The following CHTF8 variants were observed in gnomAD, a reference collection of about 807,000 sequenced individuals.
CHTF8 encodes the protein chromosome transmission fidelity factor 8, also known as chromosome transmission fidelity protein 8 homolog.
Under a neutral mutation model 11.0 loss-of-function variants are expected in CHTF8, and 6 were observed. The observed-to-expected ratio is 0.55, with a 90% CI of 0.30 to 1.08. The LOEUF (loss-of-function observed/expected upper bound fraction) is 1.08. Among genes scored for constraint, CHTF8 ranks in the 50% least tolerant of loss-of-function variants. CHTF8 has a pLI of 0.07. For missense variants in CHTF8, 140 were observed against 153.1 expected (o/e 0.91, Z 0.45); for synonymous variants, 53 against 60.5 (o/e 0.88, Z 0.57).
In CHTF8 at chr16:69,129,381, C is replaced by T. The variant is rs371575724; in HGVS notation, c.-36+3103G>A. Among the ~76,000 whole-genome samples the T allele has an allele frequency of 2.1e-4, 27 of 129,520 alleles. No individual in the cohort carries two copies. The East Asian group carries it at 6.0e-3, about 29-fold the overall frequency. 85.0% of individuals were successfully genotyped at this position (129,520 alleles called of 152,430 possible). On this transcript the variant is annotated intron_variant, in intron 1 of 3. Coordinates refer to ENST00000448552, the MANE Select transcript of CHTF8 (RefSeq NM_001039690.5). ...GGAGGCAGAGGTTGCAGTGAGCCGA[C>T]ATCACGCCACTGCACTCCAGCCTAG... is the stretch of plus-strand genomic sequence containing the variant.
intron 1 of CHTF8, among the ~76,000 whole-genome samples, chr16:69,129,701 T>C (rs952747509): frequency 2.6e-5 from 4 of 152,146 alleles, no homozygotes; most frequent in Non-Finnish European, 4.4e-5. Flanking sequence ...ATCTGGCCCC[T>C]CTTGCAGTTC....
Position 69,118,112 on chromosome 16 carries a change from T to G in CHTF8, c.*2313A>C. The G allele has an allele frequency of 1.9e-6, 1 of 533,218 alleles. No homozygotes were observed. The highest frequency in any genetic ancestry group is 3.4e-6 in the Non-Finnish European group (1 of 295,702). The allele number at this position is 533,218 out of a possible 1,614,324, so 33.0% of individuals were successfully genotyped here. ...AGGCCGAACAAAGCACAGTGATTTC[T>G]TCCCTTCATCCCCCACCCCCACCCT... is the stretch of plus-strand genomic sequence containing the variant. On this transcript the variant is annotated 3_prime_UTR_variant, in exon 4 of 4. Coordinates refer to ENST00000448552, the MANE Select transcript of CHTF8 (RefSeq NM_001039690.5).
At chr16:69,123,557 T>C (rs1230922866) in intron 1 of CHTF8, among the ~76,000 whole-genome samples, 2 of 151,860 alleles carry the variant, frequency 1.3e-5, no homozygotes, top group African/African-American at 4.8e-5. Flanking sequence ...TTCGGCAGGC[T>C]GAGGTAAGAG....
rs1458495323 is a variant in CHTF8 at position 69,132,549 on chromosome 16, C to G, written c.-101G>C. 2.7e-6 allele frequency: 1 copy of G among 364,410 alleles called. No individual in the cohort carries two copies. Among genetic ancestry groups the G allele is most frequent in the East Asian group, 1.5e-4 (1 of 6,484 alleles). The allele number at this position is 364,410 out of a possible 1,614,324, so 22.6% of individuals were successfully genotyped here. On this transcript the variant is annotated 5_prime_UTR_variant, in exon 1 of 4. Transcript: ENST00000448552. Reference sequence around the variant, plus strand: ...GGGCGACAACCGAACCTCCCGCCGCCGTCGCCGCCGCCGCGAGCACTGCCT... The same window carrying G: ...GGGCGACAACCGAACCTCCCGCCGCGGTCGCCGCCGCCGCGAGCACTGCCT...
In CHTF8 at chr16:69,118,011, C is replaced by T. The variant is rs1460385980; in HGVS notation, c.*2414G>A. On this transcript the variant is annotated 3_prime_UTR_variant, in exon 4 of 4. Coordinates refer to ENST00000448552, the MANE Select transcript of CHTF8 (RefSeq NM_001039690.5). The stretch of plus-strand genomic sequence containing the variant: ...TAACAAAACACAGTGACACCAGCAG[C>T]CCTCTCATCCCATTTATTAAAGAAA... 8 of 313,428 alleles carry T rather than the reference C, an allele frequency of 2.6e-5. No individual in the cohort carries two copies. The highest frequency in any genetic ancestry group is 4.8e-5 in the Non-Finnish European group (8 of 165,660). The allele number at this position is 313,428 out of a possible 1,614,324, so 19.4% of individuals were successfully genotyped here.
chr16:69,127,719 C>G (rs1259502784), intron 1 of CHTF8, among the ~76,000 whole-genome samples: 1 of 149,896 alleles, frequency 6.7e-6, no homozygotes, highest in Non-Finnish European at 1.5e-5. Context: ...AAGTGATTCT[C>G]CTGCCTCAGC....
chr16:69,124,861 T>C (rs1433751743), intron 1 of CHTF8, among the ~76,000 whole-genome samples: 2 of 152,156 alleles, frequency 1.3e-5, no homozygotes, highest in Non-Finnish European at 2.9e-5. Flanking sequence ...AGTATGACTC[T>C]ACTCCTAGAG....
In CHTF8 at chr16:69,119,203, T is replaced by C. The variant is rs1275218498; in HGVS notation, c.*1222A>G. Reference sequence around the variant, plus strand: ...AGTGGCCCTTGGGAAGTTAGCTGGGTTGGGGCCAAGTGGCCCAGAGGCTCT... The same window carrying C: ...AGTGGCCCTTGGGAAGTTAGCTGGGCTGGGGCCAAGTGGCCCAGAGGCTCT... On this transcript the variant is annotated 3_prime_UTR_variant, in exon 4 of 4. Coordinates refer to ENST00000448552, the MANE Select transcript of CHTF8 (RefSeq NM_001039690.5). 9 of 703,014 alleles carry C rather than the reference T, an allele frequency of 1.3e-5. No homozygotes were observed. Among genetic ancestry groups the C allele is most frequent in the East Asian group, 8.0e-5 (3 of 37,284 alleles). 43.5% of individuals were successfully genotyped at this position (703,014 alleles called of 1,614,324 possible).
At chr16:69,125,860 C>T (rs1962024027) in intron 1 of CHTF8, among the ~76,000 whole-genome samples, 1 of 152,182 alleles carries the variant, frequency 6.6e-6, no homozygotes, top group Non-Finnish European at 1.5e-5. Context: ...GTGACTATGA[C>T]ACCTAGATTA....
chr16:69,130,715 T>G (rs1041779371), intron 1 of CHTF8, among the ~76,000 whole-genome samples: 6 of 152,248 alleles, frequency 3.9e-5, no homozygotes, highest in Non-Finnish European at 8.8e-5. Context: ...AGCTATCGAT[T>G]TCCCAGAGAA....
chr16:69,123,341 T>A, intron 1 of CHTF8, among the ~76,000 whole-genome samples: 1 of 152,108 alleles, frequency 6.6e-6, no homozygotes, highest in East Asian at 1.9e-4. Flanking sequence ...GTTATCAAGG[T>A]TCAAAGGGTC....
intron 1 of CHTF8, among the ~76,000 whole-genome samples, chr16:69,123,436 CACT>C (rs1324976664): frequency 1.3e-5 from 2 of 151,872 alleles, no homozygotes; most frequent in Non-Finnish European, 2.9e-5. Flanking sequence ...GGCGGTGGGT[CACT>C]TGATGTCAGG....
intron 2 of CHTF8, 30 bp downstream of exon 2, chr16:69,121,406 C>A (rs118093016): frequency 0.037 from 58,060 of 1,589,908 alleles, 1,194 homozygotes; most frequent in Non-Finnish European, 0.04. Flanking sequence ...TCATTTCAAG[C>A]CAAATTTTAA....
chr16:69,121,364 T>C, intron 2 of CHTF8, 72 bp downstream of exon 2: 1 of 1,402,866 alleles, frequency 7.1e-7, no homozygotes, highest in Non-Finnish European at 9.9e-7. Flanking sequence ...CCCTGATTCT[T>C]CCAGACACAT....
At chr16:69,129,025 C>A (rs1962293724) in intron 1 of CHTF8, among the ~76,000 whole-genome samples, 1 of 151,912 alleles carries the variant, frequency 6.6e-6, no homozygotes, top group Non-Finnish European at 1.5e-5. Flanking sequence ...GACTGTGCCA[C>A]TGCACTCTAG....
chr16:69,119,594 G>A lies in CHTF8; in HGVS notation c.*831C>T, dbSNP rs1329673587. The A allele has an allele frequency of 1.1e-5, 8 of 701,374 alleles. No individual in the cohort carries two copies. The highest frequency in any genetic ancestry group is 2.1e-5 in the Non-Finnish European group (8 of 384,110). 43.4% of individuals were successfully genotyped at this position (701,374 alleles called of 1,614,324 possible). A position where few individuals can be genotyped will look rare whatever the true frequency, so the allele number is the denominator to read the frequency against. ...GCTCCTAAAAGACCTGCTGCTCTTA[G>A]AATGGGGGCAAGATCGAGGCCTTGA... On this transcript the variant is annotated 3_prime_UTR_variant, in exon 4 of 4. Coordinates refer to ENST00000448552, the MANE Select transcript of CHTF8 (RefSeq NM_001039690.5).
chr16:69,122,867 TG>T (rs1961782009), intron 1 of CHTF8, among the ~76,000 whole-genome samples: 1 of 150,846 alleles, frequency 6.6e-6, no homozygotes, highest in African/African-American at 2.4e-5. Flanking sequence ...TTAGTAGAGA[TG>T]GGGTTTCACC....
chr16:69,125,253 TGAATTTTTACTGTG>T (rs1279047790), intron 1 of CHTF8, among the ~76,000 whole-genome samples: 4 of 152,212 alleles, frequency 2.6e-5, no homozygotes, highest in East Asian at 1.9e-4. Context: ...TAACATGTTT[TGAATTTTTACTGTG>T]GAATTTTTAC....
In CHTF8 at chr16:69,118,501, C is replaced by T. The variant is rs755964740; in HGVS notation, c.*1924G>A. 4 of 1,202,038 alleles carry T rather than the reference C, an allele frequency of 3.3e-6. No homozygotes were observed. The highest frequency in any genetic ancestry group is 3.7e-6 in the Non-Finnish European group (3 of 803,152). 74.5% of individuals were successfully genotyped at this position (1,202,038 alleles called of 1,614,324 possible). ...TGGTGAGCAGGGGACTACATGTGAA[C>T]TGGGACCTGCAGGCCAATGTATCCC... On this transcript the variant is annotated 3_prime_UTR_variant, in exon 4 of 4. Transcript: ENST00000448552.
Sources: gnomAD v4.1 joint callset for allele counts (sites outside exome capture counted in the v4.1 genomes callset) on GRCh38, gnomAD v4.1.1 for gene constraint, MANE v1.5 for transcripts, NCBI Gene and HGNC (gene_info 2026-07-23, HGNC 2026-07-21) for gene names.